The following RNF144B variants were observed in gnomAD, a reference collection of about 807,000 sequenced individuals.
The protein encoded by RNF144B is ring finger protein 144B, also known as E3 ubiquitin-protein ligase RNF144B.
In RNF144B, 25 loss-of-function variants were observed where a neutral mutation model predicts 40.2. The ratio of observed to expected loss-of-function variants is 0.62; its 90% confidence interval spans 0.45 to 0.87. RNF144B has a LOEUF of 0.87. RNF144B is among the 40% of genes least tolerant of loss of function. The probability of loss-of-function intolerance (pLI) is 0.00; values close to 1 mark genes in which losing one functional copy is unlikely to be tolerated. For synonymous variants in RNF144B, 145 were observed against 136.3 expected (o/e 1.06, Z -0.44); for missense variants, 365 against 373.7 (o/e 0.98, Z 0.19).
chr6:18,423,809 G>A (rs1758489222), intron 2 of RNF144B, among the ~76,000 whole-genome samples: 2 of 152,114 alleles, frequency 1.3e-5, no homozygotes, highest in African/African-American at 4.8e-5. Flanking sequence ...AAATAATTCT[G>A]TGTTTTACCA....
At chr6:18,461,951 G>A (rs1759465114) in intron 6 of RNF144B, among the ~76,000 whole-genome samples, 1 of 152,182 alleles carries the variant, frequency 6.6e-6, no homozygotes, top group South Asian at 2.1e-4. Context: ...GATGAGTTAC[G>A]CTTAATTGTC....
chr6:18,406,457 AG>A lies in RNF144B; in HGVS notation c.165+6759del, dbSNP rs1190217269. 1.5e-5 allele frequency among the ~76,000 whole-genome samples: 2 copies of A among 130,946 alleles called. No individual in the cohort carries two copies. The highest frequency in any genetic ancestry group is 2.9e-5 in the African/African-American group (1 of 34,642). The allele number at this position is 130,946 out of a possible 152,430, so 85.9% of individuals were successfully genotyped here. A position where few individuals can be genotyped will look rare whatever the true frequency, so the allele number is the denominator to read the frequency against. On this transcript the variant is annotated intron_variant, in intron 2 of 7. Transcript: ENST00000259939. This position sits in a 1 kb window ranked among gnomAD's most constrained non-coding sequence, Gnocchi z 4.2. ...CAAAGGAGGCTGGTGTGGCTGGAAA[AG>A]TGTGTGTGTGTGTGTGTGTGTGTGT...
chr6:18,465,288 C>T lies in RNF144B; in HGVS notation c.*221C>T. On this transcript the variant is annotated 3_prime_UTR_variant, in exon 8 of 8. Transcript: ENST00000259939. ...ACTGGGCTCAACGGTCCAGCTGTTTCTATGGAGCTTTGGGGTTCCTTGAGA... is the reference window on the plus strand; with the variant it reads ...ACTGGGCTCAACGGTCCAGCTGTTTTTATGGAGCTTTGGGGTTCCTTGAGA... The T allele has an allele frequency of 1.8e-6, 1 of 559,176 alleles. No individual in the cohort carries two copies. 34.6% of individuals were successfully genotyped at this position (559,176 alleles called of 1,614,324 possible). A position where few individuals can be genotyped will look rare whatever the true frequency, so the allele number is the denominator to read the frequency against.
chr6:18,463,238 A>C, intron 6 of RNF144B, 53 bp from the exon 7 acceptor site: 1 of 1,181,034 alleles, frequency 8.5e-7, no homozygotes. Flanking sequence ...GTCTGTATTC[A>C]TTTCTCAATT....
intron 3 of RNF144B, among the ~76,000 whole-genome samples, chr6:18,431,214 A>C (rs1332903703): frequency 6.6e-6 from 1 of 152,060 alleles, no homozygotes; most frequent in East Asian, 1.9e-4. Context: ...TGACACAGCG[A>C]GACTCCATCT....
At chr6:18,451,255 C>T (rs1759203538) in intron 4 of RNF144B, among the ~76,000 whole-genome samples, 1 of 152,108 alleles carries the variant, frequency 6.6e-6, no homozygotes, top group South Asian at 2.1e-4. Flanking sequence ...TTTTCATCTC[C>T]ATGTGCCCAG....
intron 4 of RNF144B, among the ~76,000 whole-genome samples, chr6:18,454,389 A>C (rs1759282119): frequency 1.3e-5 from 2 of 152,258 alleles, no homozygotes; most frequent in African/African-American, 4.8e-5. Context: ...GACGCTCTAC[A>C]GAGTTGGCTA....
chr6:18,425,639 C>A lies in RNF144B; in HGVS notation c.166-1942C>A, dbSNP rs983315494. Reference sequence around the variant, plus strand: ...TTGAACAAGGAAGTCAGGGTTAAAACACAGTAATTATATGGCGGTCAAGTG... The same window carrying A: ...TTGAACAAGGAAGTCAGGGTTAAAAAACAGTAATTATATGGCGGTCAAGTG... On this transcript the variant is annotated intron_variant, in intron 2 of 7. Coordinates refer to ENST00000259939, the MANE Select transcript of RNF144B (RefSeq NM_182757.4). This position sits in a 1 kb window ranked among gnomAD's most constrained non-coding sequence, Gnocchi z 4.2. 6.6e-6 allele frequency among the ~76,000 whole-genome samples: 1 copy of A among 152,294 alleles called. No individual in the cohort carries two copies. The highest frequency in any genetic ancestry group is 1.5e-5 in the Non-Finnish European group (1 of 68,032).
rs754222618 is a variant in RNF144B at position 18,439,661 on chromosome 6, A to G, written c.271-23A>G. The G allele has an allele frequency of 2.5e-6, 4 of 1,590,682 alleles. No individual in the cohort carries two copies. The South Asian group carries it at 3.3e-5, about 13-fold the overall frequency. ...GGGCACTATGATGACTGAAGTCTCAACCTTTTATGTCTCTGGTTTCAGATT... is the reference window on the plus strand; with the variant it reads ...GGGCACTATGATGACTGAAGTCTCAGCCTTTTATGTCTCTGGTTTCAGATT... On this transcript the variant is annotated intron_variant, in intron 3 of 7. Transcript: ENST00000259939.
Position 18,457,117 on chromosome 6 carries a change from T to G in RNF144B, c.332-38T>G, listed in dbSNP as rs755614809. The G allele has an allele frequency of 4.8e-6, 7 of 1,445,042 alleles. No individual in the cohort carries two copies. In the East Asian group the frequency reaches 1.1e-4, roughly 23 times the overall value. 89.5% of individuals were successfully genotyped at this position (1,445,042 alleles called of 1,614,324 possible). The stretch of plus-strand genomic sequence containing the variant: ...AAGGTGAGAAAGACTCAAACATGAA[T>G]CGGGCAGACCATCACATTTTCTTTC... On this transcript the variant is annotated intron_variant, in intron 4 of 7. Coordinates refer to ENST00000259939, the MANE Select transcript of RNF144B (RefSeq NM_182757.4). The surrounding 1 kb of genome is among the most constrained non-coding windows in gnomAD (Gnocchi z 5.1).
intron 1 of RNF144B, among the ~76,000 whole-genome samples, chr6:18,391,249 C>T (rs529757271): frequency 3.9e-5 from 6 of 152,268 alleles, no homozygotes; most frequent in African/African-American, 9.6e-5. Flanking sequence ...CTTTAAGTGG[C>T]GTTCCTTCCT....
chr6:18,433,647 C>A (rs1758745995), intron 3 of RNF144B, among the ~76,000 whole-genome samples: 1 of 152,142 alleles, frequency 6.6e-6, no homozygotes, highest in Non-Finnish European at 1.5e-5. Flanking sequence ...AAACAAAGAC[C>A]AGTGAAAGCT....
intron 3 of RNF144B, among the ~76,000 whole-genome samples, chr6:18,437,864 T>G (rs1261165593): frequency 6.6e-6 from 1 of 152,218 alleles, no homozygotes; most frequent in African/African-American, 2.4e-5. Context: ...AAACTGTATT[T>G]GACATTTATA....
Position 18,460,668 on chromosome 6 carries a change from A to G in RNF144B, c.681+917A>G, listed in dbSNP as rs1759431508. 6.6e-6 allele frequency among the ~76,000 whole-genome samples: 1 copy of G among 152,072 alleles called. No individual in the cohort carries two copies. The highest frequency in any genetic ancestry group is 2.4e-5 in the African/African-American group (1 of 41,398). On this transcript the variant is annotated intron_variant, in intron 6 of 7. Coordinates refer to ENST00000259939, the MANE Select transcript of RNF144B (RefSeq NM_182757.4). This position sits in a 1 kb window ranked among gnomAD's most constrained non-coding sequence, Gnocchi z 4.4. ...TTCATGAGCATGCAGCAGTATCGCT[A>G]CTGTTTTGACAGTGTTCCCTTCCCA...
Position 18,464,238 on chromosome 6 carries a change from G to A in RNF144B, c.772-689G>A, listed in dbSNP as rs866554776. On this transcript the variant is annotated intron_variant, in intron 7 of 7. Transcript: ENST00000259939. This position sits in a 1 kb window ranked among gnomAD's most constrained non-coding sequence, Gnocchi z 6.1. ...CGGTATTCCTTTGGAGGGAGTCAGT[G>A]CTAATATCCTAGTAATCATTAACAT... Among the ~76,000 whole-genome samples, 1 of 152,202 alleles carries A rather than the reference G, an allele frequency of 6.6e-6. No individual in the cohort carries two copies. The highest frequency in any genetic ancestry group is 1.5e-5 in the Non-Finnish European group (1 of 68,030).
rs1477881612 is a variant in RNF144B at position 18,459,733 on chromosome 6, C to T, written c.663C>T (p.Tyr221=). 1 of 1,614,094 alleles carries T rather than the reference C, an allele frequency of 6.2e-7. No individual in the cohort carries two copies. The highest frequency in any genetic ancestry group is 8.5e-7 in the Non-Finnish European group (1 of 1,179,918). ...CKNCKHTFCW[Y]CLQNLDNDIF... ...ACTGCAAGCATACATTTTGCTGGTA[C>T]TGCCTCCAGAACTTGGATGTAAGTT... The change falls in exon 6 of 8, where the codon TAC becomes TAT. Residue 221 remains tyrosine, a synonymous_variant. Transcript: ENST00000259939. This position sits in a 1 kb window ranked among gnomAD's most constrained non-coding sequence, Gnocchi z 4.2.
intron 2 of RNF144B, among the ~76,000 whole-genome samples, chr6:18,409,375 CAAAAAAAAAAAAAAA>C (rs770011648): frequency 1.8e-4 from 11 of 59,556 alleles, no homozygotes; most frequent in African/African-American, 7.8e-4. Flanking sequence ...GAGACTGTCT[CAAAAAAAAAAAAAAA>C]AAAAAAAAAA....
intron 4 of RNF144B, among the ~76,000 whole-genome samples, chr6:18,453,168 G>A (rs1438299068): frequency 1.7e-4 from 20 of 115,028 alleles, no homozygotes; most frequent in Admixed American, 1.7e-3. Context: ...AGATGGAGTC[G>A]CACTCTGTTG....
At chr6:18,453,363 T>TCCTGCCTCAGGTGATCCA (rs1416387207) in intron 4 of RNF144B, among the ~76,000 whole-genome samples, 1 of 151,922 alleles carries the variant, frequency 6.6e-6, no homozygotes. Context: ...GATCTCGAAC[T>TCCTGCCTCAGGTGATCCA]CCTGCCTCAG....
Sources: gnomAD v4.1 joint callset for allele counts (sites outside exome capture counted in the v4.1 genomes callset) on GRCh38, gnomAD v4.1.1 for gene constraint, Gnocchi (gnomAD v3.1) non-coding constraint, MANE v1.5 for transcripts, NCBI Gene and HGNC (gene_info 2026-07-23, HGNC 2026-07-21) for gene names.